The following RANBP2 variants were observed in gnomAD, a reference collection of about 807,000 sequenced individuals.
The protein encoded by RANBP2 is RAN binding protein 2.
RANBP2 carries 57 observed loss-of-function variants against 303.6 expected under a neutral mutation model. The ratio of observed to expected loss-of-function variants is 0.19; its 90% CI spans 0.15 to 0.23. The LOEUF is 0.23. Among genes scored for constraint, RANBP2 ranks in the 10% least tolerant of loss-of-function variants. The probability of loss-of-function intolerance (pLI) is 1.00; values close to 1 mark genes in which losing one functional copy is unlikely to be tolerated. For missense variants in RANBP2, 3,138 were observed against 3,780.8 expected (o/e 0.83, Z 4.46); for synonymous variants, 1,167 against 1,301.5 (o/e 0.90, Z 2.23).
chr2:108,722,463 A>G (rs1400512143), intron 1 of RANBP2, among the ~76,000 whole-genome samples: 1 of 151,358 alleles, frequency 6.6e-6, no homozygotes, highest in African/African-American at 2.4e-5. Context: ...AGAGGTTAGT[A>G]TTCTCCCCCA....
At chr2:108,939,835 C>T in the RANBP2 span, among the ~76,000 whole-genome samples, 15 of 152,186 alleles carry the variant, frequency 9.9e-5, no homozygotes, top group Non-Finnish European at 1.5e-5. Context: ...TTTCAGCCTG[C>T]CCTGCCTCCC....
the RANBP2 span, among the ~76,000 whole-genome samples, chr2:109,397,094 G>A: frequency 1.3e-5 from 2 of 152,134 alleles, no homozygotes; most frequent in Non-Finnish European, 2.9e-5. Context: ...CAGTTGTGCT[G>A]CTGCAGAGAC....
the RANBP2 span, among the ~76,000 whole-genome samples, chr2:108,829,019 A>G: frequency 6.6e-6 from 1 of 152,204 alleles, no homozygotes; most frequent in African/African-American, 2.4e-5. Context: ...AAAGGCTTAA[A>G]TGTAAGAATT....
chr2:109,701,805 T>G, the RANBP2 span, among the ~76,000 whole-genome samples: 2 of 152,190 alleles, frequency 1.3e-5, no homozygotes, highest in Non-Finnish European at 2.9e-5. Flanking sequence ...CTTAGTGACT[T>G]TGGGGTCCTG....
chr2:109,686,648 A>G, the RANBP2 span, among the ~76,000 whole-genome samples: 135 of 151,706 alleles, frequency 8.9e-4, no homozygotes, highest in African/African-American at 3.1e-3. Context: ...GTCTCATTCT[A>G]TTATCCAGGT....
the RANBP2 span, chr2:109,614,322 C>T: frequency 4.7e-6 from 3 of 634,630 alleles, no homozygotes; most frequent in South Asian, 8.1e-5. Flanking sequence ...CGTGTCCGCC[C>T]GGGCGCGGCC....
chr2:109,478,063 A>C, the RANBP2 span, among the ~76,000 whole-genome samples: 1 of 152,228 alleles, frequency 6.6e-6, no homozygotes, highest in African/African-American at 2.4e-5. Context: ...GAGGTCCCTG[A>C]GTGTCCCATC....
At chr2:109,430,492 C>T in the RANBP2 span, among the ~76,000 whole-genome samples, 2 of 151,902 alleles carry the variant, frequency 1.3e-5, no homozygotes, top group African/African-American at 4.8e-5. Flanking sequence ...CTCTCCCCGT[C>T]CTCTCCCATC....
the RANBP2 span, among the ~76,000 whole-genome samples, chr2:109,011,714 C>T: frequency 2.0e-5 from 3 of 152,100 alleles, no homozygotes; most frequent in Admixed American, 2.0e-4. Context: ...GTCTTTTTCC[C>T]TCCTCTACTT....
downstream of RANBP2, chr2:108,788,677 G>A (rs551343434): frequency 4.3e-3 from 1,730 of 398,298 alleles, 4 homozygotes; most frequent in Admixed American, 5.7e-3. Flanking sequence ...CCGAGATTGC[G>A]CCACTGCACT....
At chr2:109,420,295 G>A in the RANBP2 span, among the ~76,000 whole-genome samples, 3 of 152,196 alleles carry the variant, frequency 2.0e-5, no homozygotes, top group East Asian at 1.9e-4. Flanking sequence ...TCACTTGAAT[G>A]ACTGTGTTAG....
chr2:109,302,204 A>G, the RANBP2 span, among the ~76,000 whole-genome samples: 1 of 152,206 alleles, frequency 6.6e-6, no homozygotes, highest in Admixed American at 6.5e-5. Flanking sequence ...GCTGGGACAC[A>G]TGCAATTTGT....
Position 108,772,787 on chromosome 2 carries a change from G to C in RANBP2, c.8114-81G>C. 5 of 1,454,150 alleles carry C rather than the reference G, an allele frequency of 3.4e-6. No individual in the cohort carries two copies. In the South Asian group the frequency reaches 4.8e-5, roughly 14 times the overall value. The allele number at this position is 1,454,150 out of a possible 1,614,324, so 90.1% of individuals were successfully genotyped here. A position where few individuals can be genotyped will look rare whatever the true frequency, so the allele number is the denominator to read the frequency against. On this transcript the variant is annotated intron_variant, in intron 22 of 28. Transcript: ENST00000283195. ...ACAGGTCTTGTTACCTGGGTCTGTG[G>C]ATTATGTTGATGACTACCATTGTTG...
chr2:109,146,344 G>A, the RANBP2 span, among the ~76,000 whole-genome samples: 2 of 152,122 alleles, frequency 1.3e-5, no homozygotes, highest in East Asian at 3.9e-4. Flanking sequence ...CCCAAAGGTG[G>A]CCAGGGCCTC....
the RANBP2 span, among the ~76,000 whole-genome samples, chr2:108,809,855 G>T: frequency 4.6e-5 from 7 of 152,184 alleles, no homozygotes; most frequent in South Asian, 1.5e-3. Context: ...GCCCAGGCTG[G>T]AGTGCAGCAG....
the RANBP2 span, among the ~76,000 whole-genome samples, chr2:109,051,313 T>C: frequency 1.3e-5 from 2 of 152,332 alleles, no homozygotes; most frequent in East Asian, 3.9e-4. Flanking sequence ...TCACAGCTCA[T>C]CCTGGCTTTT....
the RANBP2 span, among the ~76,000 whole-genome samples, chr2:109,338,063 G>C: frequency 2.0e-5 from 3 of 152,144 alleles, no homozygotes; most frequent in African/African-American, 4.8e-5. Flanking sequence ...TTGCCAGTCT[G>C]TGTGTCATGT....
chr2:109,005,614 T>C, the RANBP2 span, among the ~76,000 whole-genome samples: 1 of 152,236 alleles, frequency 6.6e-6, no homozygotes, highest in Non-Finnish European at 1.5e-5. Context: ...TACTGGTCTT[T>C]GCTATTAATT....
At chr2:108,966,970 T>C in the RANBP2 span, among the ~76,000 whole-genome samples, 3 of 152,250 alleles carry the variant, frequency 2.0e-5, no homozygotes, top group South Asian at 4.1e-4. Flanking sequence ...AGTCTCACTC[T>C]GTTGCCCAGG....
Sources: gnomAD v4.1 joint callset for allele counts (sites outside exome capture counted in the v4.1 genomes callset) on GRCh38, gnomAD v4.1.1 for gene constraint, MANE v1.5 for transcripts, NCBI Gene and HGNC (gene_info 2026-07-23, HGNC 2026-07-21) for gene names.